CCSER1: variants seen among roughly 807,000 people sequenced by gnomAD.
CCSER1 encodes coiled-coil serine rich protein 1, also known as serine-rich coiled-coil domain-containing protein 1.
A neutral mutation model predicts 82.0 loss-of-function variants in CCSER1; 41 were observed. The ratio of observed to expected loss-of-function variants is 0.50; its 90% CI spans 0.39 to 0.65. The LOEUF (loss-of-function observed/expected upper bound fraction) is 0.65, where lower values mean the gene tolerates loss of function less well. CCSER1 is among the 30% of genes least tolerant of loss of function. The pLI is 0.00. For synonymous variants in CCSER1, 414 were observed against 383.9 expected (o/e 1.08, Z -0.92); for missense variants, 1,119 against 1,064.2 (o/e 1.05, Z -0.72).
At chr4:91,225,325 T>A (rs1423625398) in intron 10 of CCSER1, among the ~76,000 whole-genome samples, 2 of 127,532 alleles carry the variant, frequency 1.6e-5, no homozygotes, top group East Asian at 4.6e-4. Flanking sequence ...AATATATATG[T>A]ATATATATTA....
chr4:91,588,235 A>T (rs1279528951), intron 10 of CCSER1, among the ~76,000 whole-genome samples: 4 of 151,488 alleles, frequency 2.6e-5, no homozygotes, highest in African/African-American at 9.7e-5. Flanking sequence ...TGCTTTGATA[A>T]AGCAGCTTTT....
rs2153624418 is a variant in CCSER1 at position 90,520,873 on chromosome 4, G to C, written c.1724+52519G>C. 1.3e-5 allele frequency among the ~76,000 whole-genome samples: 2 copies of C among 152,260 alleles called. 1 individual carries two copies. The highest frequency in any genetic ancestry group is 4.1e-4 in the South Asian group (2 of 4,830). On this transcript the variant is annotated intron_variant, in intron 5 of 10. Coordinates refer to ENST00000509176, the MANE Select transcript of CCSER1 (RefSeq NM_001145065.2). ...GGATGGCTTGAGCACAGGAATTTGA[G>C]GTCAGCCTGGACAACGGAGTGAGAC...
At chr4:91,587,517 G>T (rs73836256) in intron 10 of CCSER1, among the ~76,000 whole-genome samples, 14,997 of 151,640 alleles carry the variant, frequency 0.099, 754 homozygotes, top group Middle Eastern at 0.16. Context: ...TCATTTCTCA[G>T]TAACACAGCA....
intron 8 of CCSER1, among the ~76,000 whole-genome samples, chr4:90,914,465 A>T (rs990966939): frequency 2.8e-4 from 43 of 152,216 alleles, no homozygotes; most frequent in African/African-American, 9.4e-4. Context: ...AGACACAACA[A>T]ACTAGAATCT....
intron 10 of CCSER1, among the ~76,000 whole-genome samples, chr4:91,459,556 A>G (rs1161638665): frequency 6.6e-6 from 1 of 152,198 alleles, no homozygotes; most frequent in Non-Finnish European, 1.5e-5. Context: ...AGATGAAATA[A>G]CAGATACAAA....
At chr4:91,428,591 C>T (rs932924812) in intron 10 of CCSER1, among the ~76,000 whole-genome samples, 1 of 151,956 alleles carries the variant, frequency 6.6e-6, no homozygotes, top group African/African-American at 2.4e-5. Flanking sequence ...GATTTTCTTT[C>T]TCTACTCCCA....
In CCSER1 at chr4:90,533,315, T is replaced by TC. The variant is rs572814627; in HGVS notation, c.1724+64963dup. The stretch of plus-strand genomic sequence containing the variant: ...TTTCACCGTGTTAGCCAGGATGGTC[T>TC]CCATCTCCTGACCTAGTAACCCGCC... On this transcript the variant is annotated intron_variant, in intron 5 of 10. Transcript: ENST00000509176. Among the ~76,000 whole-genome samples, 27 of 152,200 alleles carry TC rather than the reference T, an allele frequency of 1.8e-4. No individual in the cohort carries two copies. The East Asian group carries it at 5.2e-3, about 29-fold the overall frequency.
At chr4:91,432,062 A>G (rs562323312) in intron 10 of CCSER1, among the ~76,000 whole-genome samples, 1 of 152,136 alleles carries the variant, frequency 6.6e-6, no homozygotes, top group African/African-American at 2.4e-5. Flanking sequence ...TTCTCATGAT[A>G]GTGAGGGAGT....
chr4:91,333,675 A>G (rs1200253529), intron 10 of CCSER1, among the ~76,000 whole-genome samples: 1 of 152,102 alleles, frequency 6.6e-6, no homozygotes, highest in Non-Finnish European at 1.5e-5. Flanking sequence ...GACCATGTAA[A>G]CAATACATAA....
intron 9 of CCSER1, among the ~76,000 whole-genome samples, chr4:90,979,019 A>ATT: frequency 6.6e-6 from 1 of 151,820 alleles, no homozygotes; most frequent in East Asian, 1.9e-4. Context: ...AAGAGGGAAA[A>ATT]TGCAAACAAC....
chr4:90,654,968 ATAT>A (rs1178439893), intron 6 of CCSER1, among the ~76,000 whole-genome samples: 3 of 152,084 alleles, frequency 2.0e-5, no homozygotes, highest in Non-Finnish European at 2.9e-5. Flanking sequence ...TTATAATGAA[ATAT>A]TATCAAAATA....
At chr4:90,813,505 C>T (rs1758610333) in intron 7 of CCSER1, among the ~76,000 whole-genome samples, 1 of 152,156 alleles carries the variant, frequency 6.6e-6, no homozygotes, top group Admixed American at 6.5e-5. Context: ...CCCAGAATTC[C>T]CACATGTTGT....
At chr4:90,650,317 GT>G (rs34159609) in intron 6 of CCSER1, among the ~76,000 whole-genome samples, 1 of 152,084 alleles carries the variant, frequency 6.6e-6, no homozygotes, top group Non-Finnish European at 1.5e-5. Flanking sequence ...AGGTTGCCAT[GT>G]TTTCTGTAAA....
chr4:90,192,058 A>C (rs952224334), intron 1 of CCSER1, among the ~76,000 whole-genome samples: 6 of 152,100 alleles, frequency 3.9e-5, no homozygotes, highest in Non-Finnish European at 7.4e-5. Flanking sequence ...CACGCTGCTG[A>C]TAAAGACATA....
At position 90,207,851 on chromosome 4, in the gene CCSER1, C is replaced by A. The variant is rs559919360; in HGVS notation, c.-42+80020C>A. Among the ~76,000 whole-genome samples, 71 of 152,272 alleles carry A rather than the reference C, an allele frequency of 4.7e-4. 1 individual carries two copies. The highest frequency in any genetic ancestry group is 1.7e-3 in the African/African-American group (69 of 41,560). The stretch of plus-strand genomic sequence containing the variant: ...GGCTGCAGAACAGCAAAGATTGCTG[C>A]CTATTCCTTCTTCTGGAAGCTTCGT... On this transcript the variant is annotated intron_variant, in intron 1 of 10. Coordinates refer to ENST00000509176, the MANE Select transcript of CCSER1 (RefSeq NM_001145065.2).
chr4:90,428,130 G>A (rs986848382), intron 4 of CCSER1, among the ~76,000 whole-genome samples: 20 of 151,782 alleles, frequency 1.3e-4, no homozygotes, highest in Non-Finnish European at 2.4e-4. Flanking sequence ...AAGTATAAAA[G>A]CTTTAGCCTA....
intron 10 of CCSER1, among the ~76,000 whole-genome samples, chr4:91,355,936 T>C (rs1056603826): frequency 6.6e-6 from 1 of 152,194 alleles, no homozygotes; most frequent in Non-Finnish European, 1.5e-5. Flanking sequence ...CAAACTTCAA[T>C]GGTTATGTGG....
At chr4:91,523,019 A>T (rs1439840642) in intron 10 of CCSER1, among the ~76,000 whole-genome samples, 1 of 152,150 alleles carries the variant, frequency 6.6e-6, no homozygotes, top group African/African-American at 2.4e-5. Context: ...TTTGTCATAA[A>T]TAGCTCTTAT....
At chr4:90,346,055 A>G (rs976624771) in intron 3 of CCSER1, among the ~76,000 whole-genome samples, 4 of 151,924 alleles carry the variant, frequency 2.6e-5, no homozygotes, top group Non-Finnish European at 5.9e-5. Context: ...TTTTTCTGCC[A>G]TATGACCTGT....
Sources: gnomAD v4.1 joint callset for allele counts (sites outside exome capture counted in the v4.1 genomes callset) on GRCh38, gnomAD v4.1.1 for gene constraint, MANE v1.5 for transcripts, NCBI Gene and HGNC (gene_info 2026-07-23, HGNC 2026-07-21) for gene names.